Variants in GPC3 observed in about 807,000 individuals in gnomAD.
GPC3 encodes the protein glypican-3.
In GPC3, 3 loss-of-function variants were observed where a neutral mutation model predicts 34.4. That is an observed-to-expected ratio of 0.09 (90% CI 0.04 to 0.23). The LOEUF (loss-of-function observed/expected upper bound fraction) is 0.23, where lower values mean the gene tolerates loss of function less well. Ranked by LOEUF, GPC3 falls within the 10% of genes least tolerant of loss-of-function variation. The pLI, the probability that GPC3 is intolerant of heterozygous loss-of-function variation, is 1.00. For missense variants in GPC3, 351 were observed against 445.6 expected, an observed-to-expected ratio of 0.79 and a Z score of 1.91; for synonymous variants, 177 against 174.0, an observed-to-expected ratio of 1.02 and a Z score of -0.13.
intron 2 of GPC3, among the ~76,000 whole-genome samples, chrX:133,897,205 C>CTT (rs760491025): frequency 1.3e-4 from 11 of 82,652 alleles, no homozygotes; most frequent in East Asian, 8.5e-4. Context: ...CGTGCCCGGC[C>CTT]TTTTTTTTTT....
In GPC3 at chrX:133,754,196, AGAGACAC is replaced by A; in HGVS notation, c.338-27_338-21del. The A allele has an allele frequency of 1.0e-5, 10 of 986,713 alleles. No individual in the cohort carries two copies. The highest frequency in any genetic ancestry group is 2.0e-5 in the South Asian group (1 of 49,228). 81.3% of individuals were successfully genotyped at this position (986,713 alleles called of 1,213,427 possible). A position where few individuals can be genotyped will look rare whatever the true frequency, so the allele number is the denominator to read the frequency against. On this transcript the variant is annotated intron_variant, in intron 2 of 7. Coordinates refer to ENST00000370818, the MANE Select transcript of GPC3 (RefSeq NM_004484.4). ...AGGCCTCTGTAAAAAAAAAAAAAAA[AGAGACAC>A]AAAAATGTGTACAAATTAAAGCATG... is the stretch of plus-strand genomic sequence containing the variant.
At chrX:133,581,177 A>C (rs913065256) in intron 7 of GPC3, among the ~76,000 whole-genome samples, 1 of 112,466 alleles carries the variant, frequency 8.9e-6, no homozygotes, top group Non-Finnish European at 1.9e-5. Context: ...CGGTTAGCAG[A>C]GGGATTTCAG....
intron 6 of GPC3, among the ~76,000 whole-genome samples, chrX:133,645,015 A>C (rs2070526826): frequency 8.9e-6 from 1 of 111,737 alleles, no homozygotes; most frequent in Non-Finnish European, 1.9e-5. Flanking sequence ...TTCTGACCTC[A>C]AGTGATCCAC....
intron 2 of GPC3, among the ~76,000 whole-genome samples, chrX:133,911,753 T>C (rs1386390742): frequency 9.0e-6 from 1 of 111,721 alleles, no homozygotes; most frequent in African/African-American, 3.2e-5. Context: ...ATTTCCGCTT[T>C]AAAAAATGAA....
intron 7 of GPC3, among the ~76,000 whole-genome samples, chrX:133,555,847 A>T (rs909773022): frequency 1.8e-5 from 2 of 110,932 alleles, no homozygotes; most frequent in African/African-American, 6.5e-5. Context: ...AATAAAAAAA[A>T]AAAGCCACTG....
In GPC3 at chrX:133,869,958, A is replaced by AAAAT. The variant is rs779084877; in HGVS notation, c.337+83088_337+83091dup. Among the ~76,000 whole-genome samples, 19 of 112,005 alleles carry AAAAT rather than the reference A, an allele frequency of 1.7e-4. No individual in the cohort carries two copies. The South Asian group carries it at 4.5e-3, about 26-fold the overall frequency. The stretch of plus-strand genomic sequence containing the variant: ...CGATAGAGCGAGAGTCCGTCTCAAA[A>AAAAT]AAATAAATAAATAAATAAAAGAGTA... On this transcript the variant is annotated intron_variant, in intron 2 of 7. Coordinates refer to ENST00000370818, the MANE Select transcript of GPC3 (RefSeq NM_004484.4).
intron 6 of GPC3, among the ~76,000 whole-genome samples, chrX:133,646,894 C>T (rs2070550185): frequency 9.0e-6 from 1 of 111,563 alleles, no homozygotes; most frequent in African/African-American, 3.3e-5. Context: ...CCAGGTTCTT[C>T]GCAAGTTGAG....
intron 2 of GPC3, among the ~76,000 whole-genome samples, chrX:133,928,740 GA>G (rs1330107587): frequency 8.9e-6 from 1 of 111,893 alleles, no homozygotes; most frequent in Non-Finnish European, 1.9e-5. Context: ...CATCTTTGGA[GA>G]AATATCTATT....
At chrX:133,777,631 G>T (rs778712044) in intron 2 of GPC3, among the ~76,000 whole-genome samples, 11 of 111,900 alleles carry the variant, frequency 9.8e-5, no homozygotes, top group Non-Finnish European at 2.1e-4. Context: ...AATCTGAAAG[G>T]CCTTAGAAGT....
intron 6 of GPC3, among the ~76,000 whole-genome samples, chrX:133,614,012 C>A (rs1187587723): frequency 9.1e-6 from 1 of 110,164 alleles, no homozygotes; most frequent in Non-Finnish European, 1.9e-5. Context: ...TTTGAGCAGG[C>A]AGAATAAAAA....
chrX:133,543,877 T>C (rs1170378999), intron 7 of GPC3, among the ~76,000 whole-genome samples: 1 of 111,606 alleles, frequency 9.0e-6, no homozygotes, highest in Non-Finnish European at 1.9e-5. Flanking sequence ...TCCTCAGGAG[T>C]AGGGATTCAC....
At chrX:133,705,866 T>C (rs1454074604) in intron 3 of GPC3, among the ~76,000 whole-genome samples, 2 of 112,511 alleles carry the variant, frequency 1.8e-5, no homozygotes, top group Non-Finnish European at 3.8e-5. Flanking sequence ...AGTGGGATGA[T>C]TTAAATTCTT....
chrX:133,756,662 A>G (rs1298024973), intron 2 of GPC3, among the ~76,000 whole-genome samples: 3 of 112,840 alleles, frequency 2.7e-5, no homozygotes, highest in Non-Finnish European at 5.6e-5. Context: ...AAATCAATAG[A>G]AAAAGAAAAT....
intron 2 of GPC3, among the ~76,000 whole-genome samples, chrX:133,804,848 T>C (rs775159176): frequency 1.5e-3 from 172 of 111,318 alleles, no homozygotes; most frequent in Non-Finnish European, 2.3e-3. Flanking sequence ...TTAAAAAAAA[T>C]AGTAAAAATA....
At chrX:133,928,391 A>G (rs2076284400) in intron 2 of GPC3, among the ~76,000 whole-genome samples, 1 of 111,934 alleles carries the variant, frequency 8.9e-6, no homozygotes, top group Non-Finnish European at 1.9e-5. Context: ...GGGAGTGCAG[A>G]TATCTCTTAG....
At chrX:133,575,020 T>A (rs1296648284) in intron 7 of GPC3, among the ~76,000 whole-genome samples, 1 of 111,962 alleles carries the variant, frequency 8.9e-6, no homozygotes, top group Non-Finnish European at 1.9e-5. Context: ...GAAAGGGAAG[T>A]GGTAGAGCAG....
At chrX:133,613,079 AG>A (rs2070127522) in intron 6 of GPC3, among the ~76,000 whole-genome samples, 1 of 111,741 alleles carries the variant, frequency 8.9e-6, no homozygotes, top group South Asian at 3.8e-4. Flanking sequence ...TATAAGAAAA[AG>A]GCTTTGGTAC....
chrX:133,951,995 T>G (rs183438072), intron 2 of GPC3, among the ~76,000 whole-genome samples: 3 of 111,240 alleles, frequency 2.7e-5, no homozygotes, highest in African/African-American at 9.8e-5. Flanking sequence ...CTGACCTCGA[T>G]CCTCTCTTGG....
intron 2 of GPC3, among the ~76,000 whole-genome samples, chrX:133,758,693 G>C (rs2071754524): frequency 1.8e-5 from 2 of 110,735 alleles, no homozygotes; most frequent in Non-Finnish European, 3.8e-5. Flanking sequence ...CATGTACCCT[G>C]AAACTTAAAA....
Sources: gnomAD v4.1 joint callset for allele counts (sites outside exome capture counted in the v4.1 genomes callset) on GRCh38, gnomAD v4.1.1 for gene constraint, MANE v1.5 for transcripts, NCBI Gene and HGNC (gene_info 2026-07-23, HGNC 2026-07-21) for gene names.